CSMD3: variants seen among roughly 807,000 people sequenced by gnomAD.
The protein encoded by CSMD3 is CUB and sushi domain-containing protein 3.
CSMD3 carries 177 observed loss-of-function variants against 435.2 expected under a neutral mutation model. That is an observed-to-expected ratio of 0.41 (90% CI 0.36 to 0.46). The LOEUF (loss-of-function observed/expected upper bound fraction) is 0.46. Ranked by LOEUF, CSMD3 falls within the 20% of genes least tolerant of loss-of-function variation. The pLI, the probability that CSMD3 is intolerant of heterozygous loss-of-function variation, is 0.34. For missense variants in CSMD3, 4,265 were observed against 4,504.6 expected (o/e 0.95, Z 1.52); for synonymous variants, 1,656 against 1,520.5 (o/e 1.09, Z -2.07).
chr8:112,873,523 T>C (rs1443914527), intron 10 of CSMD3, among the ~76,000 whole-genome samples: 1 of 152,046 alleles, frequency 6.6e-6, no homozygotes, highest in African/African-American at 2.4e-5. Context: ...ATTTTAATTA[T>C]CTGCTTACCT....
chr8:113,161,514 G>A (rs1179672014), intron 4 of CSMD3, among the ~76,000 whole-genome samples: 1 of 152,008 alleles, frequency 6.6e-6, no homozygotes, highest in Admixed American at 6.6e-5. Flanking sequence ...TATTATTATT[G>A]TTGAGGTGGC....
chr8:112,949,905 C>A (rs2130808069), intron 8 of CSMD3, among the ~76,000 whole-genome samples: 1 of 152,020 alleles, frequency 6.6e-6, no homozygotes, highest in East Asian at 1.9e-4. Flanking sequence ...TTTTCCTTTC[C>A]TTCCCCTTTA....
intron 3 of CSMD3, among the ~76,000 whole-genome samples, chr8:113,178,763 A>G (rs1003851791): frequency 6.6e-6 from 1 of 151,898 alleles, no homozygotes; most frequent in African/African-American, 2.4e-5. Flanking sequence ...AATAGTTATT[A>G]GGTTTGGCAA....
In CSMD3 at chr8:113,023,233, T is replaced by TA. The variant is rs148013487; in HGVS notation, c.918-4055dup. 7.1e-3 allele frequency among the ~76,000 whole-genome samples: 1,081 copies of TA among 152,182 alleles called. 10 individuals are homozygous for TA. The highest frequency in any genetic ancestry group is 0.025 in the African/African-American group (1,038 of 41,560). The stretch of plus-strand genomic sequence containing the variant: ...TTTGATTGCTCTGACATCTACTTTT[T>TA]AAAAAAATCTTCCCAATTCCCTAAA... On this transcript the variant is annotated intron_variant, in intron 5 of 70. Coordinates refer to ENST00000297405, the MANE Select transcript of CSMD3 (RefSeq NM_198123.2).
At chr8:112,739,728 A>T (rs2132047707) in intron 13 of CSMD3, among the ~76,000 whole-genome samples, 1 of 151,982 alleles carries the variant, frequency 6.6e-6, no homozygotes, top group East Asian at 1.9e-4. Flanking sequence ...ACCCTAGTCC[A>T]TGAACAATAT....
intron 1 of CSMD3, among the ~76,000 whole-genome samples, chr8:113,426,357 T>C (rs2094635584): frequency 1.3e-5 from 2 of 151,406 alleles, no homozygotes; most frequent in African/African-American, 2.4e-5. Flanking sequence ...AATTATTGAC[T>C]AAGTGGATAA....
chr8:112,340,854 G>T (rs1212072603), intron 42 of CSMD3, among the ~76,000 whole-genome samples: 1 of 152,022 alleles, frequency 6.6e-6, no homozygotes, highest in Non-Finnish European at 1.5e-5. Flanking sequence ...TGAGCAAATG[G>T]AGAGCAAGGC....
At chr8:113,114,745 T>C (rs930246126) in intron 4 of CSMD3, among the ~76,000 whole-genome samples, 1 of 152,186 alleles carries the variant, frequency 6.6e-6, no homozygotes, top group African/African-American at 2.4e-5. Flanking sequence ...ATAGGTATTT[T>C]TAAATGTTCT....
At chr8:112,846,480 C>A (rs1564019408) in intron 11 of CSMD3, among the ~76,000 whole-genome samples, 1 of 151,674 alleles carries the variant, frequency 6.6e-6, no homozygotes, top group Admixed American at 6.6e-5. Flanking sequence ...TATAGCTCAT[C>A]CATCCTTAAA....
In CSMD3 at chr8:113,395,103, A is replaced by T. The variant is rs191940147; in HGVS notation, c.178+41574T>A. 1.0e-3 allele frequency among the ~76,000 whole-genome samples: 153 copies of T among 152,246 alleles called. 1 individual carries two copies. The highest frequency in any genetic ancestry group is 3.5e-3 in the African/African-American group (147 of 41,556). On this transcript the variant is annotated intron_variant, in intron 1 of 70. Transcript: ENST00000297405. ...GTGACTATTTTTTTTTCCAGAAATC[A>T]TTATGGCTTATGCAAATAAATTAAA...
At chr8:112,894,942 A>G (rs2081908509) in intron 10 of CSMD3, among the ~76,000 whole-genome samples, 1 of 151,394 alleles carries the variant, frequency 6.6e-6, no homozygotes, top group Non-Finnish European at 1.5e-5. Context: ...ATGCCAGTGG[A>G]GTTTGGAAGA....
chr8:112,832,615 C>T (rs566373897), intron 11 of CSMD3, among the ~76,000 whole-genome samples: 1 of 152,186 alleles, frequency 6.6e-6, no homozygotes, highest in South Asian at 2.1e-4. Context: ...GGCCTAAGTC[C>T]TACAACCACA....
intron 24 of CSMD3, among the ~76,000 whole-genome samples, chr8:112,561,747 C>G (rs931034588): frequency 6.6e-6 from 1 of 151,668 alleles, no homozygotes; most frequent in Non-Finnish European, 1.5e-5. Context: ...CATATCTATA[C>G]ATCAATGAGC....
chr8:113,033,312 T>C (rs2087199689), intron 5 of CSMD3, among the ~76,000 whole-genome samples: 1 of 151,646 alleles, frequency 6.6e-6, no homozygotes, highest in African/African-American at 2.4e-5. Context: ...CCGCAGGGGC[T>C]GTACCCTGCA....
At chr8:112,777,611 GA>G (rs1563950630) in intron 13 of CSMD3, among the ~76,000 whole-genome samples, 1 of 151,770 alleles carries the variant, frequency 6.6e-6, no homozygotes, top group Admixed American at 6.6e-5. Flanking sequence ...GAATTGCTTT[GA>G]AAATGCCATG....
intron 16 of CSMD3, among the ~76,000 whole-genome samples, chr8:112,673,287 G>T (rs569103089): frequency 3.3e-5 from 5 of 151,940 alleles, no homozygotes; most frequent in African/African-American, 1.2e-4. Context: ...AACAAGTCAG[G>T]TATGTATCTA....
intron 28 of CSMD3, among the ~76,000 whole-genome samples, chr8:112,508,691 AG>A (rs1307231970): frequency 2.6e-5 from 4 of 152,196 alleles, no homozygotes; most frequent in Non-Finnish European, 5.9e-5. Context: ...CTCCTGAGAT[AG>A]GTGCAGATCT....
Position 113,074,997 on chromosome 8 carries a change from AT to A in CSMD3, c.917+23758del, listed in dbSNP as rs553691392. 8.5e-3 allele frequency among the ~76,000 whole-genome samples: 1,295 copies of A among 151,892 alleles called. 21 individuals carry two copies. Among genetic ancestry groups the A allele is most frequent in the African/African-American group, 0.029 (1,212 of 41,516 alleles). ...AACTTATTAATTATAATTTATGATAATTTTTTGTAGGCTTTTGATAAGGACC... is the reference window on the plus strand; with the variant it reads ...AACTTATTAATTATAATTTATGATAATTTTTGTAGGCTTTTGATAAGGACC... On this transcript the variant is annotated intron_variant, in intron 5 of 70. Transcript: ENST00000297405.
At chr8:112,839,356 G>C (rs2080116409) in intron 11 of CSMD3, among the ~76,000 whole-genome samples, 1 of 151,732 alleles carries the variant, frequency 6.6e-6, no homozygotes, top group Non-Finnish European at 1.5e-5. Context: ...ATGTTTCACT[G>C]AAGGGAAGAA....
Sources: allele counts gnomAD v4.1 joint callset (sites outside exome capture counted in the v4.1 genomes callset), GRCh38; gene constraint gnomAD v4.1.1; transcripts MANE v1.5; gene names NCBI Gene and HGNC (gene_info 2026-07-23, HGNC 2026-07-21).